NSUN7: variants seen among roughly 807,000 people sequenced by gnomAD.
The protein encoded by NSUN7 is protein NSUN7.
NSUN7 carries 39 observed loss-of-function variants against 58.5 expected under a neutral mutation model. The ratio of observed to expected loss-of-function variants is 0.67; its 90% CI spans 0.52 to 0.87. The LOEUF (loss-of-function observed/expected upper bound fraction) is 0.87. Ranked by LOEUF, NSUN7 falls within the 40% of genes least tolerant of loss-of-function variation. The probability of loss-of-function intolerance (pLI) is 0.00; values close to 1 mark genes in which losing one functional copy is unlikely to be tolerated. For synonymous variants in NSUN7, 278 were observed against 303.7 expected (o/e 0.92, Z 0.88); for missense variants, 765 against 844.1 (o/e 0.91, Z 1.16).
At position 40,775,033 on chromosome 4, in the gene NSUN7, A is replaced by G. The variant is rs1742200572; in HGVS notation, c.825+83A>G. The G allele has an allele frequency of 6.6e-6, 4 of 607,830 alleles. No individual in the cohort carries two copies. In the East Asian group the frequency reaches 1.2e-4, roughly 18 times the overall value. The allele number at this position is 607,830 out of a possible 1,614,324, so 37.7% of individuals were successfully genotyped here. A position where few individuals can be genotyped will look rare whatever the true frequency, so the allele number is the denominator to read the frequency against. Reference sequence around the variant, plus strand: ...TCTCCACTTAAAAATAAAACCTAACACTGTTTATATTTTTATAGATTATCA... The same window carrying G: ...TCTCCACTTAAAAATAAAACCTAACGCTGTTTATATTTTTATAGATTATCA... On this transcript the variant is annotated intron_variant, in intron 6 of 11. Coordinates refer to ENST00000381782, the MANE Select transcript of NSUN7 (RefSeq NM_024677.6). The surrounding 1 kb of genome is among the most constrained non-coding windows in gnomAD (Gnocchi z 4.3).
intron 7 of NSUN7, among the ~76,000 whole-genome samples, chr4:40,783,447 A>G (rs138493676): frequency 6.6e-6 from 1 of 152,182 alleles, no homozygotes; most frequent in Non-Finnish European, 1.5e-5. Flanking sequence ...TGGATTTAGC[A>G]GTGGTTGTTT....
At chr4:40,804,512 A>T (rs974330306) in intron 10 of NSUN7, among the ~76,000 whole-genome samples, 1 of 152,074 alleles carries the variant, frequency 6.6e-6, no homozygotes, top group South Asian at 2.1e-4. Context: ...ATATGATCAG[A>T]TATTATTTCT....
At chr4:40,753,698 G>T (rs1004116487) in intron 2 of NSUN7, among the ~76,000 whole-genome samples, 1 of 152,122 alleles carries the variant, frequency 6.6e-6, no homozygotes, top group Non-Finnish European at 1.5e-5. Context: ...ATAATACGTT[G>T]ATATGGTTTG....
At position 40,775,965 on chromosome 4, in the gene NSUN7, C is replaced by A; in HGVS notation, c.826-84C>A. 1.2e-6 allele frequency: 1 copy of A among 827,760 alleles called. No individual in the cohort carries two copies. The highest frequency in any genetic ancestry group is 1.8e-6 in the Non-Finnish European group (1 of 543,936). The allele number at this position is 827,760 out of a possible 1,614,324, so 51.3% of individuals were successfully genotyped here. On this transcript the variant is annotated intron_variant, in intron 6 of 11. Transcript: ENST00000381782. The surrounding 1 kb of genome is among the most constrained non-coding windows in gnomAD (Gnocchi z 4.3). ...AGGTCTCTAATATTACTATGAGGTA[C>A]TTTCTTTTATGTAAAGCAAATAGAA...
Position 40,759,434 on chromosome 4 carries a change from C to T in NSUN7, c.299-1000C>T, listed in dbSNP as rs183663923. On this transcript the variant is annotated intron_variant, in intron 2 of 11. Coordinates refer to ENST00000381782, the MANE Select transcript of NSUN7 (RefSeq NM_024677.6). ...TTTTAAATATGTCCACTTGTTTCTA[C>T]GTAACCGCCTTTGCAGTTATCATAA... Among the ~76,000 whole-genome samples, 67 of 152,330 alleles carry T rather than the reference C, an allele frequency of 4.4e-4. 1 individual carries two copies. The highest frequency in any genetic ancestry group is 1.4e-3 in the African/African-American group (60 of 41,576).
At chr4:40,798,933 A>G (rs749434224) in intron 10 of NSUN7, 29 bp downstream of exon 10, 2 of 1,109,480 alleles carry the variant, frequency 1.8e-6, no homozygotes, top group Non-Finnish European at 2.7e-6. Flanking sequence ...CTTCTAAACA[A>G]CTCAAACAAA....
chr4:40,777,422 C>T (rs1742322614), intron 7 of NSUN7, among the ~76,000 whole-genome samples: 1 of 151,996 alleles, frequency 6.6e-6, no homozygotes, highest in South Asian at 2.1e-4. Context: ...CAACCTCTGC[C>T]CCCCGGGTTC....
At chr4:40,769,029 T>G (rs541300066) in intron 4 of NSUN7, among the ~76,000 whole-genome samples, 32 of 152,342 alleles carry the variant, frequency 2.1e-4, no homozygotes, top group African/African-American at 7.7e-4. Flanking sequence ...TACCTAGACA[T>G]CATCCTTGAT....
In NSUN7 at chr4:40,809,049, C is replaced by A; in HGVS notation, c.*110C>A. The A allele has an allele frequency of 8.8e-7, 1 of 1,132,778 alleles. No individual in the cohort carries two copies. Among genetic ancestry groups the A allele is most frequent in the Non-Finnish European group, 1.2e-6 (1 of 827,448 alleles). 70.2% of individuals were successfully genotyped at this position (1,132,778 alleles called of 1,614,324 possible). ...ACAAGATATTCATTCTTTTGGTCAC[C>A]TAGGGATCTTCTAAGTGTGATATTA... On this transcript the variant is annotated 3_prime_UTR_variant, in exon 12 of 12. Coordinates refer to ENST00000381782, the MANE Select transcript of NSUN7 (RefSeq NM_024677.6).
chr4:40,808,227 T>C, intron 11 of NSUN7, 80 bp from the exon 12 acceptor site: 2 of 1,454,762 alleles, frequency 1.4e-6, no homozygotes, highest in Non-Finnish European at 1.9e-6. Context: ...TTTTTATTTT[T>C]ACTGATACAT....
chr4:40,755,007 T>C (rs1253522110), intron 2 of NSUN7, among the ~76,000 whole-genome samples: 2 of 152,214 alleles, frequency 1.3e-5, no homozygotes, highest in Admixed American at 1.3e-4. Flanking sequence ...AGGTCAATTT[T>C]CTGCTAACGA....
intron 2 of NSUN7, among the ~76,000 whole-genome samples, chr4:40,757,675 TATATATATACACA>T (rs1741225688): frequency 6.9e-6 from 1 of 145,280 alleles, no homozygotes; most frequent in African/African-American, 2.6e-5. Context: ...ACATTGTGTG[TATATATATACACA>T]CTGTGTATAT....
intron 10 of NSUN7, among the ~76,000 whole-genome samples, chr4:40,799,874 T>C (rs1455880310): frequency 6.6e-6 from 1 of 152,212 alleles, no homozygotes; most frequent in Non-Finnish European, 1.5e-5. Context: ...CATTTTGGAC[T>C]TCAGCTGTCA....
chr4:40,750,326 T>G (rs1578133923), intron 1 of NSUN7, 26 bp downstream of exon 1: 1 of 184,614 alleles, frequency 5.4e-6, no homozygotes, highest in African/African-American at 2.4e-5. Flanking sequence ...GGGGAGCCGG[T>G]GACTGGGCTG....
chr4:40,807,885 C>T (rs1179955909), intron 11 of NSUN7, among the ~76,000 whole-genome samples: 2 of 151,948 alleles, frequency 1.3e-5, no homozygotes, highest in Non-Finnish European at 2.9e-5. Context: ...TACTAAAATA[C>T]AAAAATCAGC....
Position 40,810,428 on chromosome 4 carries a change from A to ATT in NSUN7, c.*1490_*1491dup, listed in dbSNP as rs1744179072. ...CCCCATCTCTACAAAAAATACAAAA[A>ATT]TTAGCTGGGTGTGGTGGGACACGCC... is the stretch of plus-strand genomic sequence containing the variant. On this transcript the variant is annotated 3_prime_UTR_variant, in exon 12 of 12. Coordinates refer to ENST00000381782, the MANE Select transcript of NSUN7 (RefSeq NM_024677.6). The ATT allele has an allele frequency of 6.6e-6, 1 of 151,932 alleles. No homozygotes were observed. Among genetic ancestry groups the ATT allele is most frequent in the Admixed American group, 6.6e-5 (1 of 15,250 alleles). 9.4% of individuals were successfully genotyped at this position (151,932 alleles called of 1,614,324 possible).
At chr4:40,794,344 A>G (rs1466773530) in intron 8 of NSUN7, 31 bp from the exon 9 acceptor site, 5 of 1,315,290 alleles carry the variant, frequency 3.8e-6, no homozygotes, top group East Asian at 4.7e-5. Flanking sequence ...TAATGGTGCT[A>G]TATTTAAAAG....
intron 9 of NSUN7, among the ~76,000 whole-genome samples, chr4:40,797,833 G>A (rs147216874): frequency 5.3e-5 from 8 of 152,176 alleles, no homozygotes; most frequent in African/African-American, 1.9e-4. Flanking sequence ...GTACTATCTG[G>A]GGCTCAGACC....
intron 4 of NSUN7, among the ~76,000 whole-genome samples, chr4:40,768,425 G>A (rs1307474893): frequency 6.6e-6 from 1 of 152,052 alleles, no homozygotes; most frequent in Non-Finnish European, 1.5e-5. Context: ...CCTGACCGCA[G>A]GTGATCCTCC....
Sources: allele counts gnomAD v4.1 joint callset (sites outside exome capture counted in the v4.1 genomes callset), GRCh38; gene constraint gnomAD v4.1.1; non-coding constraint Gnocchi (gnomAD v3.1); transcripts MANE v1.5; gene names NCBI Gene and HGNC (gene_info 2026-07-23, HGNC 2026-07-21).